Variants in FBXW11 observed in about 807,000 individuals in gnomAD.
FBXW11 encodes the protein F-box and WD repeat domain containing 11, also known as F-box/WD repeat-containing protein 11.
A neutral mutation model predicts 77.6 loss-of-function variants in FBXW11; 19 were observed. The observed-to-expected ratio is 0.24, with a 90% CI of 0.17 to 0.36. The LOEUF is 0.36. Among genes scored for constraint, FBXW11 ranks in the 10% least tolerant of loss-of-function variants. The probability of loss-of-function intolerance (pLI) is 1.00; values close to 1 mark genes in which losing one functional copy is unlikely to be tolerated. For synonymous variants in FBXW11, 235 were observed against 249.4 expected, an observed-to-expected ratio of 0.94 and a Z score of 0.54; for missense variants, 334 against 704.2, an observed-to-expected ratio of 0.47 and a Z score of 5.95.
intron 1 of FBXW11, among the ~76,000 whole-genome samples, chr5:171,973,732 G>GCTAA (rs1326705282): frequency 6.6e-6 from 1 of 152,146 alleles, no homozygotes; most frequent in Non-Finnish European, 1.5e-5. Flanking sequence ...TAACATAAAT[G>GCTAA]CTAATCATAA....
At chr5:171,870,468 CTAT>C (rs1341488815) in intron 11 of FBXW11, among the ~76,000 whole-genome samples, 17 of 152,236 alleles carry the variant, frequency 1.1e-4, no homozygotes, top group Middle Eastern at 3.4e-3. Context: ...CCCACATCAA[CTAT>C]TGAAACCTAA....
At chr5:171,957,258 C>A (rs1467884368) in intron 2 of FBXW11, among the ~76,000 whole-genome samples, 1 of 152,086 alleles carries the variant, frequency 6.6e-6, no homozygotes, top group Non-Finnish European at 1.5e-5. Context: ...CCCAACTCAA[C>A]AAAGAACTGT....
At chr5:171,988,515 G>C (rs1765563657) in intron 1 of FBXW11, among the ~76,000 whole-genome samples, 3 of 152,104 alleles carry the variant, frequency 2.0e-5, no homozygotes, top group Admixed American at 2.0e-4. Flanking sequence ...AAAAAAGGAA[G>C]GAAGAAAAAT....
intron 1 of FBXW11, among the ~76,000 whole-genome samples, chr5:172,002,915 T>G (rs1475654811): frequency 6.6e-6 from 1 of 151,318 alleles, no homozygotes; most frequent in Non-Finnish European, 1.5e-5. Flanking sequence ...CCTAGGCTGG[T>G]CTCTAACTCC....
chr5:171,878,551 AGAGTGTGT>A (rs1458608220), intron 7 of FBXW11, among the ~76,000 whole-genome samples: 46 of 88,820 alleles, frequency 5.2e-4, no homozygotes, highest in African/African-American at 2.4e-3. Context: ...AATCTCCATA[AGAGTGTGT>A]GAGTGTGTGT....
At chr5:171,912,282 C>T (rs1760928196) in intron 3 of FBXW11, among the ~76,000 whole-genome samples, 1 of 152,160 alleles carries the variant, frequency 6.6e-6, no homozygotes, top group African/African-American at 2.4e-5. Context: ...AATGTTTCTT[C>T]CCTTGTATCT....
chr5:171,880,421 C>T (rs1357169764), intron 7 of FBXW11, among the ~76,000 whole-genome samples: 1 of 152,240 alleles, frequency 6.6e-6, no homozygotes. Context: ...CTGGTTTTTG[C>T]TTGTCCATAT....
intron 2 of FBXW11, among the ~76,000 whole-genome samples, chr5:171,929,949 A>AAAGCTC (rs1232013933): frequency 6.6e-6 from 1 of 152,228 alleles, no homozygotes; most frequent in Non-Finnish European, 1.5e-5. Flanking sequence ...GAAGCTACGT[A>AAAGCTC]AAGCTCAAGC....
chr5:171,965,129 G>A (rs184521178), intron 1 of FBXW11, among the ~76,000 whole-genome samples: 174 of 152,214 alleles, frequency 1.1e-3, no homozygotes, highest in African/African-American at 4.0e-3. Flanking sequence ...CAAAAGTAGT[G>A]GAATCAGGAC....
At chr5:171,975,115 G>C (rs1407421631) in intron 1 of FBXW11, among the ~76,000 whole-genome samples, 1 of 152,090 alleles carries the variant, frequency 6.6e-6, no homozygotes, top group African/African-American at 2.4e-5. Context: ...CCTCAAGCAA[G>C]TTATATAACC....
chr5:171,990,262 A>T (rs748975151), intron 1 of FBXW11, among the ~76,000 whole-genome samples: 2 of 152,168 alleles, frequency 1.3e-5, no homozygotes, highest in Non-Finnish European at 2.9e-5. Context: ...TTTTACCTCA[A>T]CTCTTAGATG....
At chr5:172,002,960 T>C (rs941210642) in intron 1 of FBXW11, among the ~76,000 whole-genome samples, 6 of 152,130 alleles carry the variant, frequency 3.9e-5, no homozygotes, top group African/African-American at 1.4e-4. Context: ...CCTAAAGTGC[T>C]GGGATTACAG....
chr5:171,912,800 C>T (rs1303056635), intron 3 of FBXW11, among the ~76,000 whole-genome samples: 1 of 151,952 alleles, frequency 6.6e-6, no homozygotes, highest in Non-Finnish European at 1.5e-5. Flanking sequence ...ATCCCAGCTA[C>T]TCAGGAGGCT....
At chr5:171,885,401 G>T (rs958138443) in intron 7 of FBXW11, among the ~76,000 whole-genome samples, 47 of 152,148 alleles carry the variant, frequency 3.1e-4, no homozygotes, top group African/African-American at 1.0e-3. Context: ...TTTCAATTAC[G>T]GTTCAGGTTA....
chr5:171,945,833 T>C (rs1762981177), intron 2 of FBXW11, among the ~76,000 whole-genome samples: 1 of 152,222 alleles, frequency 6.6e-6, no homozygotes, highest in Non-Finnish European at 1.5e-5. Flanking sequence ...TACTCACCTT[T>C]TCTTTCATTT....
chr5:171,903,496 T>C (rs899416745), intron 4 of FBXW11, among the ~76,000 whole-genome samples: 1 of 152,152 alleles, frequency 6.6e-6, no homozygotes, highest in Admixed American at 6.5e-5. Context: ...GATTGACAAA[T>C]TATTCATCAG....
intron 13 of FBXW11, among the ~76,000 whole-genome samples, chr5:171,864,561 T>C (rs1757267664): frequency 1.3e-5 from 2 of 152,216 alleles, no homozygotes; most frequent in Non-Finnish European, 2.9e-5. Context: ...AGAGCCCTCA[T>C]CGATCACAAG....
At chr5:171,951,954 C>A (rs1206761892) in intron 2 of FBXW11, among the ~76,000 whole-genome samples, 1 of 152,110 alleles carries the variant, frequency 6.6e-6, no homozygotes, top group African/African-American at 2.4e-5. Context: ...TTGAATAATT[C>A]TCTTATTTTT....
At position 171,928,353 on chromosome 5, in the gene FBXW11, TA is replaced by T. The variant is rs545944745; in HGVS notation, c.148-13949del. Among the ~76,000 whole-genome samples, 16 of 152,310 alleles carry T rather than the reference TA, an allele frequency of 1.1e-4. 1 individual carries two copies. In the South Asian group the frequency reaches 1.2e-3, roughly 12 times the overall value. ...CTATCTACAGATTTAATGCAATCCCTAAAAAAACCCAACGATGTTTTTTGCG... is the reference window on the plus strand; with the variant it reads ...CTATCTACAGATTTAATGCAATCCCTAAAAAACCCAACGATGTTTTTTGCG... On this transcript the variant is annotated intron_variant, in intron 2 of 13. Coordinates refer to ENST00000517395, the MANE Select transcript of FBXW11 (RefSeq NM_001378974.1).
Sources: gnomAD v4.1 joint callset for allele counts (sites outside exome capture counted in the v4.1 genomes callset) on GRCh38, gnomAD v4.1.1 for gene constraint, MANE v1.5 for transcripts, NCBI Gene and HGNC (gene_info 2026-07-23, HGNC 2026-07-21) for gene names.